The following COL28A1 variants were observed in gnomAD, a reference collection of about 807,000 sequenced individuals.
COL28A1 encodes collagen type XXVIII alpha 1 chain.
In COL28A1, 161 loss-of-function variants were observed where a neutral mutation model predicts 150.2. That is an observed-to-expected ratio of 1.07 (90% CI 0.94 to 1.22). COL28A1 has a LOEUF of 1.22. Among genes scored for constraint, COL28A1 ranks in the 50% most tolerant of loss-of-function variants. The pLI is 0.00. For synonymous variants in COL28A1, 552 were observed against 469.7 expected, an observed-to-expected ratio of 1.18 and a Z score of -2.26; for missense variants, 1,617 against 1,388.3, an observed-to-expected ratio of 1.16 and a Z score of -2.62.
At chr7:7,388,736 T>C (rs982218104) in intron 27 of COL28A1, among the ~76,000 whole-genome samples, 12 of 152,230 alleles carry the variant, frequency 7.9e-5, no homozygotes, top group African/African-American at 2.7e-4. Context: ...GTGGTTTTGA[T>C]TGGCATTTCT....
At chr7:7,440,716 GA>G in intron 21 of COL28A1, 73 bp downstream of exon 21, 1 of 627,640 alleles carries the variant, frequency 1.6e-6, no homozygotes, top group South Asian at 2.6e-5. Flanking sequence ...ATTTTCAGTG[GA>G]AATTTAATAC....
intron 13 of COL28A1, 79 bp downstream of exon 13, chr7:7,489,310 G>T: frequency 2.4e-6 from 2 of 825,368 alleles, no homozygotes; most frequent in South Asian, 2.8e-5. Flanking sequence ...GGATTAATCT[G>T]ACCATTTATC....
intron 13 of COL28A1, among the ~76,000 whole-genome samples, chr7:7,482,917 G>A (rs1779421642): frequency 2.0e-5 from 3 of 152,218 alleles, no homozygotes; most frequent in Admixed American, 1.3e-4. Flanking sequence ...GAATAGAAAA[G>A]TGTGTTTGTG....
At chr7:7,474,056 CTA>C (rs933156885) in intron 15 of COL28A1, among the ~76,000 whole-genome samples, 8 of 139,962 alleles carry the variant, frequency 5.7e-5, no homozygotes, top group East Asian at 4.2e-4. Context: ...ACTATATACT[CTA>C]TATATATATG....
the COL28A1 span, among the ~76,000 whole-genome samples, chr7:7,541,470 T>G: frequency 1.3e-5 from 2 of 152,236 alleles, no homozygotes; most frequent in Non-Finnish European, 2.9e-5. Context: ...TAACTTTTAC[T>G]TAATTATATA....
At chr7:7,511,708 G>T (rs1781147292) in intron 8 of COL28A1, 2 of 470,248 alleles carry the variant, frequency 4.3e-6, no homozygotes, top group South Asian at 3.1e-5. Flanking sequence ...TCTGAAGTGA[G>T]ATTGCATCGT....
At chr7:7,474,817 A>G (rs1041930986) in intron 14 of COL28A1, 148 bp from the exon 15 acceptor site, 2 of 590,824 alleles carry the variant, frequency 3.4e-6, no homozygotes, top group African/African-American at 3.8e-5. Context: ...GGTAATTCTA[A>G]TTGACTCTGA....
At chr7:7,506,267 T>G (rs1308962654) in intron 10 of COL28A1, among the ~76,000 whole-genome samples, 200 bp from the exon 11 acceptor site, 1 of 152,262 alleles carries the variant, frequency 6.6e-6, no homozygotes, top group African/African-American at 2.4e-5. Context: ...ATAGCACTTA[T>G]GCTAAGAGCA....
the COL28A1 span, among the ~76,000 whole-genome samples, chr7:7,338,898 C>T: frequency 6.6e-6 from 1 of 152,098 alleles, no homozygotes; most frequent in African/African-American, 2.4e-5. Context: ...CAGACTTCTG[C>T]TCTTTCTTAG....
intron 1 of COL28A1, among the ~76,000 whole-genome samples, chr7:7,534,769 T>G (rs1357099251): frequency 2.0e-5 from 3 of 152,210 alleles, no homozygotes; most frequent in African/African-American, 7.2e-5. Flanking sequence ...GTATATATGA[T>G]ATTCACAAAC....
At chr7:7,444,656 T>C (rs1268528703) in intron 18 of COL28A1, among the ~76,000 whole-genome samples, 167 bp from the exon 19 acceptor site, 1 of 152,030 alleles carries the variant, frequency 6.6e-6, no homozygotes, top group South Asian at 2.1e-4. Context: ...CCCTAGGCCT[T>C]AGTTTTTGAT....
chr7:7,524,621 A>G (rs1297031655), intron 3 of COL28A1, among the ~76,000 whole-genome samples: 2 of 152,212 alleles, frequency 1.3e-5, no homozygotes, highest in Non-Finnish European at 2.9e-5. Flanking sequence ...CAGAATATAT[A>G]ATTGTATATT....
intron 15 of COL28A1, among the ~76,000 whole-genome samples, chr7:7,458,775 G>C (rs1358312215): frequency 1.1e-4 from 16 of 152,156 alleles, no homozygotes; most frequent in Non-Finnish European, 4.4e-5. Context: ...CCCAGGTCAC[G>C]CAACTGTTAG....
At position 7,381,560 on chromosome 7, in the gene COL28A1, C is replaced by T. The variant is rs373271322; in HGVS notation, c.2189G>A (p.Gly730Asp). 3.7e-6 allele frequency: 6 copies of T among 1,613,536 alleles called. No individual in the cohort carries two copies. Among genetic ancestry groups the T allele is most frequent in the Non-Finnish European group, 5.1e-6 (6 of 1,179,570 alleles). ...GACACTTACCTTCTGGCCTGGGAGGCCATGGCCCATTGTGCCCTTTGGGCC... is the reference window on the plus strand; with the variant it reads ...GACACTTACCTTCTGGCCTGGGAGGTCATGGCCCATTGTGCCCTTTGGGCC... ...FPGPKGTMGH[G>D]LPGQKGEHGE... Residue 730 changes from glycine to aspartate, a missense_variant, in exon 28 of 35, where the codon GGC becomes GAC. Transcript: ENST00000399429.
intron 27 of COL28A1, among the ~76,000 whole-genome samples, chr7:7,391,515 C>A (rs925617927): frequency 2.0e-5 from 3 of 152,144 alleles, no homozygotes; most frequent in Non-Finnish European, 4.4e-5. Flanking sequence ...GAGCTGAGTT[C>A]ATGTCCAAAA....
intron 34 of COL28A1, 100 bp downstream of exon 34, chr7:7,360,290 G>A: frequency 1.7e-6 from 2 of 1,184,686 alleles, no homozygotes; most frequent in Non-Finnish European, 2.3e-6. Flanking sequence ...TCACATTGTA[G>A]ATACAGTAGC....
At chr7:7,433,328 G>T (rs753773687) in intron 23 of COL28A1, among the ~76,000 whole-genome samples, 1 of 152,006 alleles carries the variant, frequency 6.6e-6, no homozygotes, top group Non-Finnish European at 1.5e-5. Flanking sequence ...AATTAAGAAG[G>T]ATCTTTTAGA....
At chr7:7,452,049 G>C in intron 18 of COL28A1, among the ~76,000 whole-genome samples, 1 of 152,196 alleles carries the variant, frequency 6.6e-6, no homozygotes, top group East Asian at 1.9e-4. Flanking sequence ...TGTCCCGAAA[G>C]CTGGGGATTC....
intron 27 of COL28A1, among the ~76,000 whole-genome samples, chr7:7,389,905 T>C (rs948582467): frequency 3.3e-5 from 5 of 152,204 alleles, no homozygotes; most frequent in African/African-American, 7.2e-5. Flanking sequence ...GCTGAGACAA[T>C]AGTGTTTTCT....
Sources: gnomAD v4.1 joint callset for allele counts (sites outside exome capture counted in the v4.1 genomes callset) on GRCh38, gnomAD v4.1.1 for gene constraint, MANE v1.5 for transcripts, NCBI Gene and HGNC (gene_info 2026-07-23, HGNC 2026-07-21) for gene names.